The following PPP2R2A variants were observed in gnomAD, a reference collection of about 807,000 sequenced individuals.
PPP2R2A encodes the protein serine/threonine-protein phosphatase 2A 55 kDa regulatory subunit B alpha isoform.
A neutral mutation model predicts 53.2 loss-of-function variants in PPP2R2A; 9 were observed. That is an observed-to-expected ratio of 0.17 (90% CI 0.10 to 0.30). The LOEUF (loss-of-function observed/expected upper bound fraction) is 0.30. Among genes scored for constraint, PPP2R2A ranks in the 10% least tolerant of loss-of-function variants. The pLI is 1.00. For missense variants in PPP2R2A, 235 were observed against 534.6 expected (o/e 0.44, Z 5.53); for synonymous variants, 169 against 174.2 (o/e 0.97, Z 0.23).
intron 2 of PPP2R2A, among the ~76,000 whole-genome samples, chr8:26,314,884 C>T (rs1190021236): frequency 7.1e-4 from 48 of 67,422 alleles, no homozygotes; most frequent in Admixed American, 9.7e-4. Context: ...CTTTTTTTTT[C>T]CCTTCCCCCC....
In PPP2R2A at chr8:26,362,551, C is replaced by A; in HGVS notation, c.638-133C>A. On this transcript the variant is annotated intron_variant, in intron 6 of 9. Coordinates refer to ENST00000380737, the MANE Select transcript of PPP2R2A (RefSeq NM_002717.4). This position sits in a 1 kb window ranked among gnomAD's most constrained non-coding sequence, Gnocchi z 4.4. Reference sequence around the variant, plus strand: ...TTTTAATCCCTTTGGAATTTATACTCATAAAAACAGTGGAGTGCAATTCAG... The same window carrying A: ...TTTTAATCCCTTTGGAATTTATACTAATAAAAACAGTGGAGTGCAATTCAG... 2 of 804,372 alleles carry A rather than the reference C, an allele frequency of 2.5e-6. No individual in the cohort carries two copies. The highest frequency in any genetic ancestry group is 1.9e-6 in the Non-Finnish European group (1 of 521,230). 49.8% of individuals were successfully genotyped at this position (804,372 alleles called of 1,614,324 possible).
At chr8:26,322,019 A>T (rs1396797103) in intron 2 of PPP2R2A, among the ~76,000 whole-genome samples, 1 of 152,198 alleles carries the variant, frequency 6.6e-6, no homozygotes, top group Non-Finnish European at 1.5e-5. Flanking sequence ...TGATAGACAC[A>T]TCCAGATTCA....
chr8:26,345,263 T>C (rs770635048), intron 3 of PPP2R2A, among the ~76,000 whole-genome samples: 1 of 152,188 alleles, frequency 6.6e-6, no homozygotes, highest in Non-Finnish European at 1.5e-5. Context: ...ATTAATAAAC[T>C]TGGAATTTAT....
rs541957363 is a variant in PPP2R2A, at chr8:26,335,691, A to C, written c.83-3199A>C. Among the ~76,000 whole-genome samples the C allele has an allele frequency of 6.6e-5, 10 of 152,316 alleles. No individual in the cohort carries two copies. The East Asian group carries it at 1.9e-3, about 29-fold the overall frequency. ...ATGTACCTACTGTTTATTTCCCTCAAGGATTTTACAGTGAGTTGACTTTTG... is the reference window on the plus strand; with the variant it reads ...ATGTACCTACTGTTTATTTCCCTCACGGATTTTACAGTGAGTTGACTTTTG... On this transcript the variant is annotated intron_variant, in intron 2 of 9. Transcript: ENST00000380737.
intron 9 of PPP2R2A, among the ~76,000 whole-genome samples, chr8:26,369,500 C>A (rs1204962196): frequency 6.6e-6 from 1 of 152,120 alleles, no homozygotes; most frequent in Non-Finnish European, 1.5e-5. Flanking sequence ...ACACCATTCT[C>A]CTGCCTCAGC....
Position 26,353,277 on chromosome 8 carries a change from C to T in PPP2R2A, c.181-1191C>T, listed in dbSNP as rs1159576118. On this transcript the variant is annotated intron_variant, in intron 3 of 9. Transcript: ENST00000380737. ...CGTTTTGTGGGACATGTATTCTTAA[C>T]ATTGGCAGACTTGCCCTCTAATAAC... 2.6e-5 allele frequency among the ~76,000 whole-genome samples: 4 copies of T among 152,286 alleles called. No homozygotes were observed. The East Asian group carries it at 7.7e-4, about 29-fold the overall frequency.
intron 2 of PPP2R2A, among the ~76,000 whole-genome samples, chr8:26,332,718 G>T (rs1803450643): frequency 6.6e-6 from 1 of 152,206 alleles, no homozygotes; most frequent in Non-Finnish European, 1.5e-5. Context: ...TTTAAAAGTT[G>T]TAGGGACAGG....
At chr8:26,351,292 C>G (rs1034161800) in intron 3 of PPP2R2A, among the ~76,000 whole-genome samples, 1 of 151,946 alleles carries the variant, frequency 6.6e-6, no homozygotes, top group Non-Finnish European at 1.5e-5. Context: ...TGTTCTCTCT[C>G]CCCTAATGCA....
chr8:26,342,120 A>G (rs527556254), intron 3 of PPP2R2A, among the ~76,000 whole-genome samples: 8 of 152,206 alleles, frequency 5.3e-5, no homozygotes, highest in Non-Finnish European at 8.8e-5. Context: ...ATATATTTGT[A>G]TAGGTATTCT....
Position 26,322,740 on chromosome 8 carries a change from A to G in PPP2R2A, c.83-16150A>G, listed in dbSNP as rs1469862863. 2.6e-5 allele frequency among the ~76,000 whole-genome samples: 4 copies of G among 152,320 alleles called. No homozygotes were observed. In the East Asian group the frequency reaches 7.7e-4, roughly 29 times the overall value. The stretch of plus-strand genomic sequence containing the variant: ...AAGTAGGGGAAAATCTTCATCTTTG[A>G]CAGCTATTAAGAGGATGCCCTTCTT... On this transcript the variant is annotated intron_variant, in intron 2 of 9. Transcript: ENST00000380737.
intron 2 of PPP2R2A, chr8:26,333,626 A>T: frequency 1.2e-6 from 1 of 820,412 alleles, no homozygotes. Flanking sequence ...GATAGTAATT[A>T]TTTGTTACAC....
At chr8:26,311,631 T>A (rs139474942) in intron 2 of PPP2R2A, among the ~76,000 whole-genome samples, 1 of 152,164 alleles carries the variant, frequency 6.6e-6, no homozygotes, top group African/African-American at 2.4e-5. Context: ...ATCATGCCTG[T>A]GAACAACCAC....
At position 26,313,771 on chromosome 8, in the gene PPP2R2A, A is replaced by C. The variant is rs538821094; in HGVS notation, c.82+20031A>C. 1.6e-4 allele frequency among the ~76,000 whole-genome samples: 25 copies of C among 152,330 alleles called. No homozygotes were observed. The South Asian group carries it at 5.2e-3, about 32-fold the overall frequency. Reference sequence around the variant, plus strand: ...GCCAAGAAATGCAGGTGGCCTCCAGAAGCGAGGAAAGGCAAGAAAATGGAT... The same window carrying C: ...GCCAAGAAATGCAGGTGGCCTCCAGCAGCGAGGAAAGGCAAGAAAATGGAT... On this transcript the variant is annotated intron_variant, in intron 2 of 9. Transcript: ENST00000380737.
intron 3 of PPP2R2A, among the ~76,000 whole-genome samples, chr8:26,351,262 G>A (rs1484049417): frequency 6.6e-6 from 1 of 151,944 alleles, no homozygotes; most frequent in Non-Finnish European, 1.5e-5. Flanking sequence ...TGGCTATTCA[G>A]ATTAATGGGG....
intron 3 of PPP2R2A, among the ~76,000 whole-genome samples, chr8:26,352,585 A>C (rs1296216777): frequency 6.6e-6 from 1 of 152,172 alleles, no homozygotes; most frequent in Non-Finnish European, 1.5e-5. Flanking sequence ...TTTTAGACAG[A>C]ATTTTCTCCT....
intron 2 of PPP2R2A, among the ~76,000 whole-genome samples, chr8:26,332,787 A>G (rs1407454404): frequency 1.3e-5 from 2 of 152,240 alleles, no homozygotes; most frequent in Non-Finnish European, 2.9e-5. Context: ...TTGGCTCTAA[A>G]TATTTTACTA....
rs559818867 is a variant in PPP2R2A, at chr8:26,355,000, T to G, written c.346+367T>G. On this transcript the variant is annotated intron_variant, in intron 4 of 9. Transcript: ENST00000380737. The surrounding 1 kb of genome is among the most constrained non-coding windows in gnomAD (Gnocchi z 4.6). ...GAGATAGCAATTTTTTATTATAGTA[T>G]TATTATGAATATTAAATAACTTCAC... Among the ~76,000 whole-genome samples, 2 of 152,320 alleles carry G rather than the reference T, an allele frequency of 1.3e-5. No individual in the cohort carries two copies. Among genetic ancestry groups the G allele is most frequent in the South Asian group, 4.1e-4 (2 of 4,824 alleles).
At chr8:26,363,393 G>C in intron 7 of PPP2R2A, 1 of 197,406 alleles carries the variant, frequency 5.1e-6, no homozygotes. Context: ...TTCTCATGGT[G>C]ATGATACAGG....
chr8:26,296,280 A>G (rs987530994), intron 2 of PPP2R2A, among the ~76,000 whole-genome samples: 9 of 152,360 alleles, frequency 5.9e-5, no homozygotes, highest in African/African-American at 1.9e-4. Flanking sequence ...ATTAAGTTCA[A>G]ACATCTCAGT....
Sources: allele counts gnomAD v4.1 joint callset (sites outside exome capture counted in the v4.1 genomes callset), GRCh38; gene constraint gnomAD v4.1.1; non-coding constraint Gnocchi (gnomAD v3.1); transcripts MANE v1.5; gene names NCBI Gene and HGNC (gene_info 2026-07-23, HGNC 2026-07-21).